TANC2: variants seen among roughly 807,000 people sequenced by gnomAD.
TANC2 encodes tetratricopeptide repeat, ankyrin repeat and coiled-coil containing 2, also known as protein TANC2.
Under a neutral mutation model 210.5 loss-of-function variants are expected in TANC2, and 26 were observed. The ratio of observed to expected loss-of-function variants is 0.12; its 90% CI spans 0.09 to 0.17. The LOEUF (loss-of-function observed/expected upper bound fraction) is 0.17. TANC2 is among the 10% of genes least tolerant of loss of function. The pLI is 1.00. For missense variants in TANC2, 2,129 were observed against 2,608.9 expected, an observed-to-expected ratio of 0.82 and a Z score of 4.01; for synonymous variants, 931 against 967.1, an observed-to-expected ratio of 0.96 and a Z score of 0.69.
intron 14 of TANC2, among the ~76,000 whole-genome samples, chr17:63,364,903 T>G (rs2047065798): frequency 6.6e-6 from 1 of 152,236 alleles, no homozygotes; most frequent in South Asian, 2.1e-4. Context: ...ATATAGAGCT[T>G]TTTTAAGGTG....
chr17:63,402,449 A>G (rs1374037429), intron 19 of TANC2, among the ~76,000 whole-genome samples: 1 of 152,242 alleles, frequency 6.6e-6, no homozygotes, highest in Non-Finnish European at 1.5e-5. Context: ...CATTTTGAAT[A>G]GCAGTGATCA....
intron 19 of TANC2, among the ~76,000 whole-genome samples, chr17:63,403,477 GTT>G (rs2048404663): frequency 6.6e-6 from 1 of 152,034 alleles, no homozygotes; most frequent in South Asian, 2.1e-4. Flanking sequence ...CTCACAATTT[GTT>G]TTCTAACCTT....
chr17:63,022,055 A>G (rs895881845), intron 2 of TANC2, among the ~76,000 whole-genome samples: 19 of 152,212 alleles, frequency 1.2e-4, no homozygotes, highest in African/African-American at 4.6e-4. Context: ...AGAATGACAA[A>G]CTAGGCCGGG....
At chr17:63,375,140 G>T (rs1033705231) in intron 14 of TANC2, among the ~76,000 whole-genome samples, 3 of 152,154 alleles carry the variant, frequency 2.0e-5, no homozygotes, top group African/African-American at 7.2e-5. Context: ...ATGTCACCAT[G>T]GGAGCTAATA....
intron 2 of TANC2, among the ~76,000 whole-genome samples, chr17:63,051,057 A>G (rs1360151763): frequency 2.6e-5 from 4 of 152,198 alleles, no homozygotes; most frequent in Non-Finnish European, 2.9e-5. Context: ...ATAGTTGCCA[A>G]GGTTATCTTT....
At chr17:63,183,707 G>A (rs115136449) in intron 5 of TANC2, among the ~76,000 whole-genome samples, 4,347 of 152,180 alleles carry the variant, frequency 0.029, 216 homozygotes, top group African/African-American at 0.098. Context: ...CTGAGTCTTT[G>A]TCATTTGTTT....
intron 2 of TANC2, among the ~76,000 whole-genome samples, chr17:63,055,540 G>A (rs964737816): frequency 2.0e-5 from 3 of 151,886 alleles, no homozygotes; most frequent in Non-Finnish European, 4.4e-5. Flanking sequence ...TATATTTGAA[G>A]TAAGTCTTTA....
At chr17:63,368,534 T>A (rs1445980774) in intron 14 of TANC2, among the ~76,000 whole-genome samples, 2 of 152,068 alleles carry the variant, frequency 1.3e-5, no homozygotes, top group Middle Eastern at 3.2e-3. Flanking sequence ...TAAAAGAAGA[T>A]GATGAGCCAA....
At chr17:63,174,569 A>G (rs1236692670) in intron 5 of TANC2, among the ~76,000 whole-genome samples, 1 of 152,186 alleles carries the variant, frequency 6.6e-6, no homozygotes, top group Non-Finnish European at 1.5e-5. Context: ...TATTTCTACC[A>G]AATTTGGTGT....
intron 5 of TANC2, among the ~76,000 whole-genome samples, chr17:63,183,057 G>A (rs1167890359): frequency 7.4e-6 from 1 of 135,722 alleles, no homozygotes; most frequent in African/African-American, 3.1e-5. Flanking sequence ...TATTGATGAG[G>A]CCACATAATA....
chr17:63,212,155 T>TAAA (rs2041906903), intron 7 of TANC2, among the ~76,000 whole-genome samples: 4 of 152,122 alleles, frequency 2.6e-5, no homozygotes, highest in African/African-American at 9.7e-5. Flanking sequence ...TTGTGATAGT[T>TAAA]TGCTGAGAAC....
chr17:63,205,162 G>A (rs746398376), intron 7 of TANC2, among the ~76,000 whole-genome samples: 12 of 151,778 alleles, frequency 7.9e-5, no homozygotes, highest in South Asian at 4.2e-4. Flanking sequence ...TTTGACAAGC[G>A]TCCTAAGACC....
chr17:63,378,002 G>A (rs756997618), intron 14 of TANC2, among the ~76,000 whole-genome samples: 1 of 152,094 alleles, frequency 6.6e-6, no homozygotes, highest in Non-Finnish European at 1.5e-5. Context: ...CCATGATTCA[G>A]TTACCTCCCA....
At chr17:63,266,620 A>G (rs2043537034) in intron 8 of TANC2, among the ~76,000 whole-genome samples, 2 of 152,098 alleles carry the variant, frequency 1.3e-5, no homozygotes, top group African/African-American at 4.8e-5. Flanking sequence ...TGGTGGCAAA[A>G]TTGGATTTCT....
At chr17:63,343,566 G>T (rs914433824) in intron 12 of TANC2, among the ~76,000 whole-genome samples, 3 of 152,200 alleles carry the variant, frequency 2.0e-5, no homozygotes, top group Non-Finnish European at 4.4e-5. Context: ...TATAAAAGCT[G>T]CATAACCATT....
At chr17:63,314,793 A>G in intron 10 of TANC2, 124 bp downstream of exon 10, 1 of 1,212,368 alleles carries the variant, frequency 8.2e-7, no homozygotes, top group Non-Finnish European at 1.2e-6. Context: ...CGTGAGGACT[A>G]TTCATTTAGG....
chr17:62,972,978 G>A (rs1461420452), intron 1 of TANC2, among the ~76,000 whole-genome samples: 1 of 151,660 alleles, frequency 6.6e-6, no homozygotes, highest in Non-Finnish European at 1.5e-5. Flanking sequence ...GCTTGGGCAT[G>A]ATGTTCTCTA....
intron 5 of TANC2, among the ~76,000 whole-genome samples, chr17:63,180,888 G>A (rs1598545326): frequency 6.6e-6 from 1 of 152,014 alleles, no homozygotes; most frequent in East Asian, 1.9e-4. Flanking sequence ...GCCGGCCATG[G>A]TGGCAGGTGC....
chr17:63,163,705 A>G (rs1485852215), intron 5 of TANC2, among the ~76,000 whole-genome samples: 1 of 152,218 alleles, frequency 6.6e-6, no homozygotes, highest in African/African-American at 2.4e-5. Context: ...CAAGGGATGC[A>G]GTGATGAAAA....
Sources: allele counts gnomAD v4.1 joint callset (sites outside exome capture counted in the v4.1 genomes callset), GRCh38; gene constraint gnomAD v4.1.1; transcripts MANE v1.5; gene names NCBI Gene and HGNC (gene_info 2026-07-23, HGNC 2026-07-21).